MICU3: variants seen among roughly 807,000 people sequenced by gnomAD.
MICU3 encodes mitochondrial calcium uptake 3, also known as calcium uptake protein 3, mitochondrial.
Under a neutral mutation model 66.5 loss-of-function variants are expected in MICU3, and 62 were observed. That is an observed-to-expected ratio of 0.93 (90% CI 0.76 to 1.15). MICU3 has a LOEUF of 1.15. Among genes scored for constraint, MICU3 ranks in the 50% most tolerant of loss-of-function variants. MICU3 has a pLI of 0.00. For missense variants in MICU3, 779 were observed against 664.4 expected (o/e 1.17, Z -1.90); for synonymous variants, 308 against 240.7 (o/e 1.28, Z -2.59).
At chr8:17,130,339 C>G in the MICU3 span, among the ~76,000 whole-genome samples, 14 of 152,166 alleles carry the variant, frequency 9.2e-5, no homozygotes, top group African/African-American at 3.1e-4. Context: ...TCCTGGGCAA[C>G]ATGGTAAAAC....
At chr8:17,052,810 T>G (rs182580204) in intron 1 of MICU3, among the ~76,000 whole-genome samples, 1 of 152,306 alleles carries the variant, frequency 6.6e-6, no homozygotes, top group Admixed American at 6.5e-5. Context: ...TAAATAAGCC[T>G]GAAGCCATTT....
intron 11 of MICU3, among the ~76,000 whole-genome samples, chr8:17,109,814 G>A (rs1265799679): frequency 6.6e-6 from 1 of 152,098 alleles, no homozygotes; most frequent in African/African-American, 2.4e-5. Context: ...GTGACCAGAA[G>A]GGATGGAAAG....
chr8:17,031,262 T>TTATTTA (rs1811991306), intron 1 of MICU3, among the ~76,000 whole-genome samples: 4 of 139,194 alleles, frequency 2.9e-5, no homozygotes, highest in Non-Finnish European at 3.1e-5. Context: ...TGCCACTTCA[T>TTATTTA]TTATTATTAT....
intron 2 of MICU3, among the ~76,000 whole-genome samples, chr8:17,067,350 T>C (rs931454102): frequency 1.3e-5 from 2 of 152,154 alleles, no homozygotes; most frequent in South Asian, 2.1e-4. Context: ...GAATGAATTA[T>C]GGTTAGTATA....
In MICU3 at chr8:17,122,411, C is replaced by T. The variant is rs1803259847; in HGVS notation, c.*2124C>T. The T allele has an allele frequency of 6.6e-6, 1 of 151,724 alleles. No individual in the cohort carries two copies. The highest frequency in any genetic ancestry group is 2.4e-5 in the African/African-American group (1 of 41,396). The allele number at this position is 151,724 out of a possible 1,614,324, so 9.4% of individuals were successfully genotyped here. ...ATGTATGCTGTTATTGTCAGTGTTT[C>T]CTTCTATAAACTGTTCTTTGGAAAA... is the stretch of plus-strand genomic sequence containing the variant. On this transcript the variant is annotated 3_prime_UTR_variant, in exon 15 of 15. Coordinates refer to ENST00000318063, the MANE Select transcript of MICU3 (RefSeq NM_181723.3).
chr8:17,058,700 C>T (rs1817367716), intron 1 of MICU3, among the ~76,000 whole-genome samples: 1 of 152,166 alleles, frequency 6.6e-6, no homozygotes, highest in Non-Finnish European at 1.5e-5. Context: ...CTCAGAGTTT[C>T]CAGTAGATCG....
chr8:17,082,821 G>A (rs1017262995), intron 5 of MICU3, among the ~76,000 whole-genome samples: 4 of 152,136 alleles, frequency 2.6e-5, no homozygotes, highest in Admixed American at 6.6e-5. Context: ...GTAACTTAGC[G>A]AGGAATGACG....
At chr8:17,037,689 A>G (rs957764189) in intron 1 of MICU3, among the ~76,000 whole-genome samples, 2 of 152,176 alleles carry the variant, frequency 1.3e-5, no homozygotes, top group Admixed American at 1.3e-4. Flanking sequence ...AGACCCCAGA[A>G]TGGTAAATCC....
At position 17,044,267 on chromosome 8, in the gene MICU3, G is replaced by T. The variant is rs189447802; in HGVS notation, c.381+16607G>T. 4.6e-5 allele frequency among the ~76,000 whole-genome samples: 7 copies of T among 152,168 alleles called. No homozygotes were observed. In the South Asian group the frequency reaches 1.4e-3, roughly 31 times the overall value. On this transcript the variant is annotated intron_variant, in intron 1 of 14. Coordinates refer to ENST00000318063, the MANE Select transcript of MICU3 (RefSeq NM_181723.3). ...GATATATAAGAGCAGAAGTTACCCA[G>T]GTAGTAGGAGGCTGTTGTTTGGTTC...
chr8:17,057,620 A>T (rs537041260), intron 1 of MICU3, among the ~76,000 whole-genome samples: 1 of 151,662 alleles, frequency 6.6e-6, no homozygotes, highest in Non-Finnish European at 1.5e-5. Context: ...TTATTCTATA[A>T]CTCCTCTCAG....
intron 11 of MICU3, among the ~76,000 whole-genome samples, 181 bp from the exon 12 acceptor site, chr8:17,113,912 G>A (rs1041793816): frequency 2.0e-5 from 3 of 152,074 alleles, no homozygotes; most frequent in Non-Finnish European, 4.4e-5. Context: ...ACTACCCAGT[G>A]AAAGTAAGTC....
At chr8:17,069,939 G>T (rs1166113959) in intron 3 of MICU3, among the ~76,000 whole-genome samples, 1 of 151,898 alleles carries the variant, frequency 6.6e-6, no homozygotes, top group East Asian at 1.9e-4. Flanking sequence ...TAGATTACTG[G>T]TAAATCTCAT....
Position 17,110,479 on chromosome 8 carries a change from C to T in MICU3, c.1258-3614C>T, listed in dbSNP as rs573053834. On this transcript the variant is annotated intron_variant, in intron 11 of 14. Coordinates refer to ENST00000318063, the MANE Select transcript of MICU3 (RefSeq NM_181723.3). The stretch of plus-strand genomic sequence containing the variant: ...TCTGCTTTCTGTCTCTGTGGATTTA[C>T]TTATTCTAATATTTAATTTCAGTGG... Among the ~76,000 whole-genome samples, 4 of 152,194 alleles carry T rather than the reference C, an allele frequency of 2.6e-5. No individual in the cohort carries two copies. The South Asian group carries it at 8.3e-4, about 32-fold the overall frequency.
chr8:17,112,568 C>G (rs974642401), intron 11 of MICU3, among the ~76,000 whole-genome samples: 4 of 152,116 alleles, frequency 2.6e-5, no homozygotes, highest in African/African-American at 9.7e-5. Flanking sequence ...GTTTAATCTA[C>G]ACAAAAGAAT....
intron 5 of MICU3, chr8:17,082,094 G>A (rs1330840894): frequency 1.1e-5 from 2 of 175,554 alleles, no homozygotes; most frequent in Non-Finnish European, 2.4e-5. Flanking sequence ...GTGAGAGAGA[G>A]TGTCTCTTAA....
chr8:17,088,816 C>T (rs1799744101), intron 7 of MICU3, among the ~76,000 whole-genome samples: 1 of 151,824 alleles, frequency 6.6e-6, no homozygotes, highest in African/African-American at 2.4e-5. Flanking sequence ...CAAAATTTGG[C>T]TCTGAGCGTC....
chr8:17,036,179 A>G (rs1812946730), intron 1 of MICU3, among the ~76,000 whole-genome samples: 1 of 151,402 alleles, frequency 6.6e-6, no homozygotes. Flanking sequence ...GAAGCTGCAG[A>G]CCTTTGCGGT....
At chr8:17,032,809 T>C (rs1812318285) in intron 1 of MICU3, among the ~76,000 whole-genome samples, 1 of 152,222 alleles carries the variant, frequency 6.6e-6, no homozygotes, top group East Asian at 1.9e-4. Flanking sequence ...TGGCACCATT[T>C]TTCCAACATT....
chr8:17,045,433 T>A (rs1259992027), intron 1 of MICU3, among the ~76,000 whole-genome samples: 1 of 152,198 alleles, frequency 6.6e-6, no homozygotes, highest in Non-Finnish European at 1.5e-5. Flanking sequence ...TTAGATCATA[T>A]CTTTTTTATC....
Sources: allele counts gnomAD v4.1 joint callset (sites outside exome capture counted in the v4.1 genomes callset), GRCh38; gene constraint gnomAD v4.1.1; transcripts MANE v1.5; gene names NCBI Gene and HGNC (gene_info 2026-07-23, HGNC 2026-07-21).